Variants in KCNMA1 observed in about 807,000 individuals in gnomAD.
The protein encoded by KCNMA1 is Calcium-activated potassium channel subunit alpha-1.
A neutral mutation model predicts 140.0 loss-of-function variants in KCNMA1; 29 were observed. The observed-to-expected ratio is 0.21, with a 90% CI of 0.15 to 0.28. The LOEUF (loss-of-function observed/expected upper bound fraction) is 0.28, where lower values mean the gene tolerates loss of function less well. Ranked by LOEUF, KCNMA1 falls within the 10% of genes least tolerant of loss-of-function variation. KCNMA1 has a pLI of 1.00. For synonymous variants in KCNMA1, 612 were observed against 611.9 expected, an observed-to-expected ratio of 1.00 and a Z score of 0.00; for missense variants, 880 against 1,602.2, an observed-to-expected ratio of 0.55 and a Z score of 7.70.
intron 17 of KCNMA1, among the ~76,000 whole-genome samples, chr10:77,015,002 G>A (rs1038507425): frequency 2.0e-5 from 3 of 151,828 alleles, no homozygotes; most frequent in Non-Finnish European, 4.4e-5. Context: ...CCACTCTTTG[G>A]GATCTACCCC....
chr10:77,300,787 TC>T (rs1270581741), intron 2 of KCNMA1, among the ~76,000 whole-genome samples: 1 of 152,134 alleles, frequency 6.6e-6, no homozygotes, highest in Non-Finnish European at 1.5e-5. Context: ...AGCCACCATC[TC>T]CTTTCTTCTC....
At chr10:77,065,133 A>G (rs894986488) in intron 14 of KCNMA1, among the ~76,000 whole-genome samples, 11 of 152,178 alleles carry the variant, frequency 7.2e-5, no homozygotes, top group Non-Finnish European at 1.3e-4. Flanking sequence ...ACAAACACGT[A>G]TTGAGTAGCT....
chr10:77,388,933 T>C (rs2095711605), intron 2 of KCNMA1, among the ~76,000 whole-genome samples: 1 of 152,160 alleles, frequency 6.6e-6, no homozygotes, highest in South Asian at 2.1e-4. Context: ...GCTGCAGTGC[T>C]CCAACTCTGG....
intron 18 of KCNMA1, among the ~76,000 whole-genome samples, chr10:77,010,380 G>T (rs952079218): frequency 3.3e-5 from 5 of 151,626 alleles, no homozygotes; most frequent in Admixed American, 6.6e-5. Flanking sequence ...GGGTCTGTGG[G>T]GGTTGAATGG....
At chr10:77,593,926 T>C (rs560242489) in intron 1 of KCNMA1, among the ~76,000 whole-genome samples, 6 of 152,304 alleles carry the variant, frequency 3.9e-5, no homozygotes, top group South Asian at 2.1e-4. Flanking sequence ...GGTCCATCCA[T>C]TGGGCTCCTG....
At chr10:77,006,634 G>A (rs2088787118) in intron 18 of KCNMA1, among the ~76,000 whole-genome samples, 1 of 152,212 alleles carries the variant, frequency 6.6e-6, no homozygotes, top group Non-Finnish European at 1.5e-5. Context: ...GAAAGAAAAA[G>A]CTAGTTAATG....
Position 77,160,452 on chromosome 10 carries a change from C to T in KCNMA1, c.808+22969G>A, listed in dbSNP as rs78949523. 9.5e-3 allele frequency among the ~76,000 whole-genome samples: 1,443 copies of T among 152,344 alleles called. 22 individuals carry two copies. Among genetic ancestry groups the T allele is most frequent in the African/African-American group, 0.034 (1,393 of 41,570 alleles). The stretch of plus-strand genomic sequence containing the variant: ...TACTTTTAACTTATAGCATATACTA[C>T]ATGTGGTTCCTAATCAGAACATAAC... On this transcript the variant is annotated intron_variant, in intron 5 of 27. Coordinates refer to ENST00000286628, the MANE Select transcript of KCNMA1 (RefSeq NM_001161352.2).
At chr10:77,422,953 T>C (rs2096898821) in intron 1 of KCNMA1, among the ~76,000 whole-genome samples, 2 of 152,230 alleles carry the variant, frequency 1.3e-5, no homozygotes, top group South Asian at 4.1e-4. Flanking sequence ...TCAACCCCGT[T>C]GTTATGGCAT....
chr10:77,116,488 C>T (rs2097470650), intron 6 of KCNMA1, among the ~76,000 whole-genome samples: 1 of 151,956 alleles, frequency 6.6e-6, no homozygotes, highest in African/African-American at 2.4e-5. Flanking sequence ...TGTCCCTGTT[C>T]TGCTTGTCTC....
intron 2 of KCNMA1, among the ~76,000 whole-genome samples, chr10:77,362,365 C>CCACACACACACA (rs138917552): frequency 2.4e-4 from 29 of 119,046 alleles, no homozygotes; most frequent in Non-Finnish European, 3.4e-4. Context: ...CCCCCCCACC[C>CCACACACACACA]CACACACACA....
chr10:76,930,917 T>C lies in KCNMA1; in HGVS notation c.2902+13856A>G, dbSNP rs151084906. 7.6e-3 allele frequency among the ~76,000 whole-genome samples: 1,157 copies of C among 152,290 alleles called. 9 individuals carry two copies. The highest frequency in any genetic ancestry group is 8.2e-3 in the Non-Finnish European group (555 of 68,036). ...AGGACAAATACTGTATGATCTCACTTATACATGGAATCTAAAAAGTTGAAC... is the reference window on the plus strand; with the variant it reads ...AGGACAAATACTGTATGATCTCACTCATACATGGAATCTAAAAAGTTGAAC... On this transcript the variant is annotated intron_variant, in intron 23 of 27. Transcript: ENST00000286628.
chr10:77,117,404 C>A (rs997557097), intron 6 of KCNMA1, among the ~76,000 whole-genome samples: 1 of 151,578 alleles, frequency 6.6e-6, no homozygotes. Context: ...CAAAAAGTAG[C>A]CAGGTGTGGT....
At chr10:77,104,211 G>C (rs918049780) in intron 9 of KCNMA1, among the ~76,000 whole-genome samples, 1 of 152,136 alleles carries the variant, frequency 6.6e-6, no homozygotes, top group Non-Finnish European at 1.5e-5. Context: ...TGCCAGAGAA[G>C]GCAGTCCTGG....
chr10:76,972,383 C>T (rs1045940347), intron 19 of KCNMA1, among the ~76,000 whole-genome samples: 1 of 152,192 alleles, frequency 6.6e-6, no homozygotes, highest in African/African-American at 2.4e-5. Flanking sequence ...AAGACCTGAA[C>T]AGAAGTCATC....
chr10:77,142,680 T>C (rs1403809818), intron 5 of KCNMA1, among the ~76,000 whole-genome samples: 1 of 152,164 alleles, frequency 6.6e-6, no homozygotes, highest in African/African-American at 2.4e-5. Context: ...TCAATGTGTT[T>C]AAAAAGAAAT....
intron 23 of KCNMA1, among the ~76,000 whole-genome samples, chr10:76,925,141 A>T (rs2057285755): frequency 6.6e-6 from 1 of 152,182 alleles, no homozygotes; most frequent in Non-Finnish European, 1.5e-5. Context: ...TGTATGAATT[A>T]TTACTAAATA....
At chr10:77,587,331 G>C (rs547633309) in intron 1 of KCNMA1, among the ~76,000 whole-genome samples, 1 of 152,286 alleles carries the variant, frequency 6.6e-6, no homozygotes, top group South Asian at 2.1e-4. Flanking sequence ...TAAACAGGCA[G>C]TATAACTCAG....
intron 1 of KCNMA1, among the ~76,000 whole-genome samples, chr10:77,413,938 C>T (rs765194172): frequency 2.4e-4 from 36 of 152,302 alleles, no homozygotes; most frequent in African/African-American, 7.2e-4. Flanking sequence ...CTGGGTGTCT[C>T]GGCTGGACCT....
At chr10:77,338,991 T>A (rs371103796) in intron 2 of KCNMA1, among the ~76,000 whole-genome samples, 2 of 152,146 alleles carry the variant, frequency 1.3e-5, no homozygotes, top group African/African-American at 4.8e-5. Context: ...GTATTCTCAA[T>A]GGGGGCAAAG....
Sources: allele counts gnomAD v4.1 joint callset (sites outside exome capture counted in the v4.1 genomes callset), GRCh38; gene constraint gnomAD v4.1.1; transcripts MANE v1.5; gene names NCBI Gene and HGNC (gene_info 2026-07-23, HGNC 2026-07-21).